The following GCSAM variants were observed in gnomAD, a reference collection of about 807,000 sequenced individuals.
GCSAM encodes germinal center-associated signaling and motility protein.
A neutral mutation model predicts 17.6 loss-of-function variants in GCSAM; 8 were observed. The observed-to-expected ratio is 0.46, with a 90% CI of 0.27 to 0.82. GCSAM has a LOEUF of 0.82. GCSAM is among the 40% of genes least tolerant of loss of function. The probability of loss-of-function intolerance (pLI) is 0.15; values close to 1 mark genes in which losing one functional copy is unlikely to be tolerated. For synonymous variants in GCSAM, 68 were observed against 69.0 expected, an observed-to-expected ratio of 0.98 and a Z score of 0.07; for missense variants, 192 against 213.5, an observed-to-expected ratio of 0.90 and a Z score of 0.63.
chr3:112,128,120 T>A, intron 2 of GCSAM, 59 bp from the exon 3 acceptor site: 1 of 1,494,014 alleles, frequency 6.7e-7, no homozygotes, highest in East Asian at 2.3e-5. Context: ...TTTGTTAAGG[T>A]GACTCCTTTC....
intron 2 of GCSAM, chr3:112,129,180 G>C (rs145311780): frequency 6.6e-6 from 1 of 152,132 alleles, no homozygotes; most frequent in Non-Finnish European, 1.5e-5. Flanking sequence ...AGGAAACATC[G>C]TAAGAAAACT....
chr3:112,121,982 AAACT>A lies in GCSAM; in HGVS notation c.*1469_*1472del, dbSNP rs1410561355. 2 of 152,270 alleles carry A rather than the reference AAACT, an allele frequency of 1.3e-5. No homozygotes were observed. The highest frequency in any genetic ancestry group is 4.8e-5 in the African/African-American group (2 of 41,470). 9.4% of individuals were successfully genotyped at this position (152,270 alleles called of 1,614,324 possible). A position where few individuals can be genotyped will look rare whatever the true frequency, so the allele number is the denominator to read the frequency against. On this transcript the variant is annotated 3_prime_UTR_variant, in exon 6 of 6. Transcript: ENST00000308910. ...TTCTTAAACAAACCTCTTTTAAAAC[AAACT>A]ATTTTAGCATCCCTAAAATTAGGAC...
intron 3 of GCSAM, among the ~76,000 whole-genome samples, chr3:112,127,736 A>T (rs2107807468): frequency 6.6e-6 from 1 of 152,288 alleles, no homozygotes; most frequent in African/African-American, 2.4e-5. Context: ...GCAGACTCAG[A>T]TTTGCAGTGT....
chr3:112,130,567 C>T lies in GCSAM; in HGVS notation c.30-54G>A, dbSNP rs550481923. ...AAGTATTTCCTAAACAGGCCTGTCA[C>T]TTCTTTTCATAATTTTTCCGACTTT... On this transcript the variant is annotated intron_variant, in intron 1 of 5. Coordinates refer to ENST00000308910, the MANE Select transcript of GCSAM (RefSeq NM_152785.5). 7 of 1,493,070 alleles carry T rather than the reference C, an allele frequency of 4.7e-6. No individual in the cohort carries two copies. The South Asian group carries it at 6.8e-5, about 14-fold the overall frequency. The allele number at this position is 1,493,070 out of a possible 1,614,324, so 92.5% of individuals were successfully genotyped here. A position where few individuals can be genotyped will look rare whatever the true frequency, so the allele number is the denominator to read the frequency against.
rs1205946773 is a variant in GCSAM, at chr3:112,122,309, G to A, written c.*1146C>T. The A allele has an allele frequency of 6.6e-6, 1 of 152,154 alleles. No homozygotes were observed. The highest frequency in any genetic ancestry group is 1.5e-5 in the Non-Finnish European group (1 of 68,042). 9.4% of individuals were successfully genotyped at this position (152,154 alleles called of 1,614,324 possible). On this transcript the variant is annotated 3_prime_UTR_variant, in exon 6 of 6. Transcript: ENST00000308910. ...TGTCACAATTACTCAACTCTCCCAT[G>A]GTTGAACAATCATAGATAGTAGGTA...
intron 1 of GCSAM, 50 bp from the exon 2 acceptor site, chr3:112,130,563 G>A: frequency 6.6e-7 from 1 of 1,508,046 alleles, no homozygotes; most frequent in East Asian, 2.3e-5. Flanking sequence ...AAACAGGCCT[G>A]TCACTTCTTT....
chr3:112,128,837 G>A (rs56129827), intron 2 of GCSAM: 28,818 of 152,356 alleles, frequency 0.19, 3,045 homozygotes, highest in Middle Eastern at 0.26. Context: ...TGAATTTGAG[G>A]CATAGTCAAC....
rs1049069162 is a variant in GCSAM at position 112,121,915 on chromosome 3, T to C, written c.*1540A>G. 6.6e-6 allele frequency: 1 copy of C among 152,232 alleles called. No individual in the cohort carries two copies. The highest frequency in any genetic ancestry group is 1.5e-5 in the Non-Finnish European group (1 of 68,044). The allele number at this position is 152,232 out of a possible 1,614,324, so 9.4% of individuals were successfully genotyped here. ...TGTACCAGGTTCCCTGTCGCTTAGC[T>C]GGTCCAAGGGCCTGTCTAGTAAACA... On this transcript the variant is annotated 3_prime_UTR_variant, in exon 6 of 6. Transcript: ENST00000308910.
At chr3:112,129,564 G>T (rs2074403624) in intron 2 of GCSAM, 1 of 152,086 alleles carries the variant, frequency 6.6e-6, no homozygotes. Flanking sequence ...GCCTTCTCTG[G>T]CTCTCTGGTC....
intron 2 of GCSAM, chr3:112,128,957 T>A (rs2074391235): frequency 6.6e-6 from 1 of 152,238 alleles, no homozygotes; most frequent in Non-Finnish European, 1.5e-5. Flanking sequence ...AGCTTTCCCA[T>A]GAAGTTTCAT....
chr3:112,125,421 A>T (rs1336296928), intron 4 of GCSAM, among the ~76,000 whole-genome samples, 167 bp from the exon 5 acceptor site: 1 of 152,210 alleles, frequency 6.6e-6, no homozygotes, highest in Non-Finnish European at 1.5e-5. Flanking sequence ...CAGGACATCT[A>T]AACAAGTCAC....
intron 5 of GCSAM, among the ~76,000 whole-genome samples, chr3:112,124,104 G>GT: frequency 6.6e-6 from 1 of 152,186 alleles, no homozygotes; most frequent in Non-Finnish European, 1.5e-5. Context: ...AGTGAGAGGT[G>GT]TTTTGGTTAT....
At chr3:112,130,661 C>A in intron 1 of GCSAM, 148 bp from the exon 2 acceptor site, 1 of 705,404 alleles carries the variant, frequency 1.4e-6, no homozygotes, top group Middle Eastern at 2.5e-4. Flanking sequence ...AATACTGTTT[C>A]CTCAAGCACA....
intron 4 of GCSAM, 57 bp from the exon 5 acceptor site, chr3:112,125,311 G>T: frequency 8.6e-7 from 1 of 1,161,082 alleles, no homozygotes; most frequent in South Asian, 1.2e-5. Context: ...TTGAAGGGAA[G>T]AGCAGGGGAG....
At chr3:112,131,451 A>C (rs577464835) in intron 1 of GCSAM, among the ~76,000 whole-genome samples, 4 of 152,290 alleles carry the variant, frequency 2.6e-5, no homozygotes, top group Non-Finnish European at 4.4e-5. Flanking sequence ...CAATATATAC[A>C]AGACTTTTGA....
chr3:112,126,696 T>G (rs1430317883), intron 4 of GCSAM, among the ~76,000 whole-genome samples: 2 of 152,190 alleles, frequency 1.3e-5, no homozygotes, highest in Non-Finnish European at 2.9e-5. Context: ...TTCTTGCAGT[T>G]TCTTGTAAGT....
chr3:112,125,160 C>T, intron 5 of GCSAM, 66 bp downstream of exon 5: 1 of 1,040,990 alleles, frequency 9.6e-7, no homozygotes, highest in Non-Finnish European at 1.5e-6. Flanking sequence ...CCAACTTCTC[C>T]TGCCATTTAG....
intron 4 of GCSAM, among the ~76,000 whole-genome samples, chr3:112,126,344 G>C (rs188727473): frequency 1.6e-3 from 236 of 152,204 alleles, no homozygotes; most frequent in Non-Finnish European, 2.9e-3. Flanking sequence ...GAAACACAAT[G>C]GCTTGTCCTC....
Position 112,133,112 on chromosome 3 carries a change from A to G in GCSAM, c.9T>C (p.Asn3=), listed in dbSNP as rs2107819487. The G allele has an allele frequency of 6.2e-7, 1 of 1,613,792 alleles. No homozygotes were observed. The change falls in exon 1 of 6, where the codon AAT becomes AAC. Residue 3 remains asparagine, a synonymous_variant. Coordinates refer to ENST00000308910, the MANE Select transcript of GCSAM (RefSeq NM_152785.5). The part of the protein sequence containing the change: MG[N]SLLRENRRQQ... The stretch of plus-strand genomic sequence containing the variant: ...CTTACCTGTTTTCTCTCAGCAGAGA[A>G]TTTCCCATCCTCTCAGTCCTCTCAG...
Sources: allele counts gnomAD v4.1 joint callset (sites outside exome capture counted in the v4.1 genomes callset), GRCh38; gene constraint gnomAD v4.1.1; transcripts MANE v1.5; gene names NCBI Gene and HGNC (gene_info 2026-07-23, HGNC 2026-07-21).